COL13A1: variants seen among roughly 807,000 people sequenced by gnomAD.
COL13A1 encodes collagen type XIII alpha 1 chain, also known as collagen alpha-1(XIII) chain.
In COL13A1, 89 loss-of-function variants were observed where a neutral mutation model predicts 130.9. The observed-to-expected ratio is 0.68, with a 90% confidence interval of 0.57 to 0.81. COL13A1 has a LOEUF of 0.81. Ranked by LOEUF, COL13A1 falls within the 30% of genes least tolerant of loss-of-function variation. The pLI is 0.00. For synonymous variants in COL13A1, 402 were observed against 341.6 expected (o/e 1.18, Z -1.95); for missense variants, 879 against 934.6 (o/e 0.94, Z 0.78).
intron 2 of COL13A1, among the ~76,000 whole-genome samples, chr10:69,829,509 C>G (rs757970978): frequency 1.1e-4 from 16 of 152,206 alleles, no homozygotes; most frequent in Non-Finnish European, 2.2e-4. Context: ...GAGCCCTGGC[C>G]AAGCCAGACA....
At chr10:69,807,014 A>T (rs1025064338) in intron 1 of COL13A1, among the ~76,000 whole-genome samples, 2 of 152,198 alleles carry the variant, frequency 1.3e-5, no homozygotes, top group East Asian at 3.8e-4. Flanking sequence ...CTCAAAAAAT[A>T]AAAATTAAAA....
At chr10:69,845,967 G>A (rs1467503539) in intron 2 of COL13A1, among the ~76,000 whole-genome samples, 4 of 152,244 alleles carry the variant, frequency 2.6e-5, no homozygotes, top group African/African-American at 7.2e-5. Flanking sequence ...GTTTCCTGGA[G>A]GCAGGGACAG....
chr10:69,853,718 C>T lies in COL13A1; in HGVS notation c.365-14080C>T, dbSNP rs191510573. Among the ~76,000 whole-genome samples, 11 of 152,272 alleles carry T rather than the reference C, an allele frequency of 7.2e-5. 1 individual carries two copies. The highest frequency in any genetic ancestry group is 4.1e-4 in the South Asian group (2 of 4,822). On this transcript the variant is annotated intron_variant, in intron 2 of 40. Coordinates refer to ENST00000645393, the MANE Select transcript of COL13A1 (RefSeq NM_001368882.1). ...TAAATCACGTTATATGATCTTTAAA[C>T]GCAGCCATGTTAAAGATGTCGTTTC...
At position 69,846,903 on chromosome 10, in the gene COL13A1, G is replaced by A. The variant is rs567402373; in HGVS notation, c.365-20895G>A. ...GCCAAGCCTGAGGCTTGGCAGCTTA[G>A]AACCCGCTGATTCAAGTGGGGGTGC... On this transcript the variant is annotated intron_variant, in intron 2 of 40. Transcript: ENST00000645393. Among the ~76,000 whole-genome samples the A allele has an allele frequency of 2.6e-5, 4 of 152,318 alleles. No homozygotes were observed. In the East Asian group the frequency reaches 5.8e-4, roughly 22 times the overall value.
Position 69,830,483 on chromosome 10 carries a change from G to A in COL13A1, c.364+8045G>A, listed in dbSNP as rs183399199. On this transcript the variant is annotated intron_variant, in intron 2 of 40. Transcript: ENST00000645393. ...CTCCTCTGGAGGGAAAAAAGCAAAC[G>A]ACAAGAGAATATTTACAATATAAGT... Among the ~76,000 whole-genome samples the A allele has an allele frequency of 1.6e-4, 25 of 152,190 alleles. 1 individual carries two copies. The highest frequency in any genetic ancestry group is 1.2e-3 in the East Asian group (6 of 5,180).
chr10:69,837,200 C>T (rs577633932), intron 2 of COL13A1, among the ~76,000 whole-genome samples: 41 of 152,314 alleles, frequency 2.7e-4, no homozygotes, highest in African/African-American at 8.9e-4. Flanking sequence ...TCGGGGTGTT[C>T]GGGAATCTGG....
rs1185516668 is a variant in COL13A1 at position 69,806,261 on chromosome 10, C to T, written c.294+3544C>T. 5.3e-5 allele frequency among the ~76,000 whole-genome samples: 8 copies of T among 152,310 alleles called. No homozygotes were observed. The East Asian group carries it at 7.7e-4, about 15-fold the overall frequency. On this transcript the variant is annotated intron_variant, in intron 1 of 40. Transcript: ENST00000645393. ...GGGAGGGCAAGCCTGGTGAGGCACA[C>T]GGCCTGTGCAATGGCCTGGGGGTGG...
intron 2 of COL13A1, among the ~76,000 whole-genome samples, chr10:69,842,022 T>C (rs765570783): frequency 2.6e-5 from 4 of 152,198 alleles, no homozygotes; most frequent in Non-Finnish European, 4.4e-5. Flanking sequence ...CTAACCAGAC[T>C]GGTATTATGA....
At chr10:69,888,648 T>C (rs2060845151) in intron 9 of COL13A1, among the ~76,000 whole-genome samples, 1 of 151,952 alleles carries the variant, frequency 6.6e-6, no homozygotes, top group South Asian at 2.1e-4. Context: ...GGAGGTCAAA[T>C]AGCTGGTCTG....
At chr10:69,956,877 G>T in intron 39 of COL13A1, 127 bp from the exon 40 acceptor site, 2 of 699,544 alleles carry the variant, frequency 2.9e-6, no homozygotes, top group Non-Finnish European at 5.2e-6. Context: ...AAAAGAAATA[G>T]ACAAGCGTGG....
rs150459058 is a variant in COL13A1 at position 69,810,438 on chromosome 10, C to T, written c.294+7721C>T. On this transcript the variant is annotated intron_variant, in intron 1 of 40. Coordinates refer to ENST00000645393, the MANE Select transcript of COL13A1 (RefSeq NM_001368882.1). ...TCCCTGTACAGTGAAACCCAGACCC[C>T]CTTACCCGGGTCCCAAGCAGTGCTC... 7.1e-3 allele frequency among the ~76,000 whole-genome samples: 1,078 copies of T among 150,986 alleles called. 9 individuals are homozygous for T. The highest frequency in any genetic ancestry group is 9.0e-3 in the Non-Finnish European group (610 of 67,754).
intron 7 of COL13A1, among the ~76,000 whole-genome samples, chr10:69,886,233 T>C (rs1429500617): frequency 6.6e-6 from 1 of 152,254 alleles, no homozygotes; most frequent in African/African-American, 2.4e-5. Context: ...TGTCTGATGA[T>C]GGCAGCTACC....
At chr10:69,921,383 C>T (rs1565067895) in intron 21 of COL13A1, among the ~76,000 whole-genome samples, 1 of 152,176 alleles carries the variant, frequency 6.6e-6, no homozygotes, top group African/African-American at 2.4e-5. Flanking sequence ...ATTACATTTG[C>T]AATGACCCTA....
chr10:69,890,984 T>C (rs2763365), intron 10 of COL13A1, among the ~76,000 whole-genome samples: 68,062 of 152,062 alleles, frequency 0.45, 16,377 homozygotes, highest in Non-Finnish European at 0.55. Flanking sequence ...TTTATTACCT[T>C]CCTCCCTTTC....
chr10:69,941,360 G>A (rs961832842), intron 35 of COL13A1, among the ~76,000 whole-genome samples: 1 of 152,276 alleles, frequency 6.6e-6, no homozygotes, highest in Middle Eastern at 3.4e-3. Context: ...TTGAGCCATG[G>A]CCTCTCCCCA....
chr10:69,865,257 C>T (rs1311312698), intron 2 of COL13A1, among the ~76,000 whole-genome samples: 1 of 152,164 alleles, frequency 6.6e-6, no homozygotes, highest in African/African-American at 2.4e-5. Context: ...GGTGCCTGGC[C>T]AGGGTAATGG....
At chr10:69,831,334 T>C (rs907536549) in intron 2 of COL13A1, among the ~76,000 whole-genome samples, 4 of 152,172 alleles carry the variant, frequency 2.6e-5, no homozygotes, top group Non-Finnish European at 5.9e-5. Context: ...CCTGACCCCC[T>C]CTGTGGTGCT....
At chr10:69,815,090 T>A (rs754438281) in intron 1 of COL13A1, among the ~76,000 whole-genome samples, 2 of 152,046 alleles carry the variant, frequency 1.3e-5, no homozygotes, top group African/African-American at 4.8e-5. Context: ...GGGTGGTGGG[T>A]CATATCCCTA....
chr10:69,899,671 G>A (rs556191308), intron 14 of COL13A1, among the ~76,000 whole-genome samples: 1 of 152,332 alleles, frequency 6.6e-6, no homozygotes, highest in South Asian at 2.1e-4. Flanking sequence ...CCTAACCCAA[G>A]GAGGCTTGGA....
Sources: gnomAD v4.1 joint callset for allele counts (sites outside exome capture counted in the v4.1 genomes callset) on GRCh38, gnomAD v4.1.1 for gene constraint, MANE v1.5 for transcripts, NCBI Gene and HGNC (gene_info 2026-07-23, HGNC 2026-07-21) for gene names.